The following ZFP2 variants were observed in gnomAD, a reference collection of about 807,000 sequenced individuals.
ZFP2 encodes the protein ZFP2 zinc finger protein.
In ZFP2, 33 loss-of-function variants were observed where a neutral mutation model predicts 36.1. That is an observed-to-expected ratio of 0.92 (90% CI 0.69 to 1.22). The LOEUF (loss-of-function observed/expected upper bound fraction) is 1.22, where lower values mean the gene tolerates loss of function less well. ZFP2 is among the 50% of genes most tolerant of loss of function. ZFP2 has a pLI of 0.00. For missense variants in ZFP2, 522 were observed against 551.4 expected (o/e 0.95, Z 0.53); for synonymous variants, 170 against 178.0 (o/e 0.96, Z 0.36).
intron 4 of ZFP2, among the ~76,000 whole-genome samples, chr5:178,930,783 T>A (rs1340814089): frequency 6.6e-6 from 1 of 152,198 alleles, no homozygotes; most frequent in Non-Finnish European, 1.5e-5. Flanking sequence ...TTTAGGAAGA[T>A]TAATTTGGTG....
At chr5:178,900,360 C>T (rs1281562692) in intron 1 of ZFP2, among the ~76,000 whole-genome samples, 2 of 139,742 alleles carry the variant, frequency 1.4e-5, no homozygotes, top group South Asian at 2.6e-4. Context: ...ACAGTGTCCT[C>T]GTGCTACTTC....
At chr5:178,925,124 TATACACAC>T (rs1353385274) in intron 4 of ZFP2, among the ~76,000 whole-genome samples, 3 of 69,550 alleles carry the variant, frequency 4.3e-5, no homozygotes, top group African/African-American at 7.7e-5. Context: ...TATATATATA[TATACACAC>T]ACACACACAC....
rs1758546742 is a variant in ZFP2 at position 178,920,838 on chromosome 5, T to C, written c.-78+4128T>C. Among the ~76,000 whole-genome samples the C allele has an allele frequency of 2.0e-5, 3 of 152,234 alleles. No homozygotes were observed. In the South Asian group the frequency reaches 6.2e-4, roughly 32 times the overall value. Reference sequence around the variant, plus strand: ...CACTTGATGTCTGTTGGTTATCTTTTCCCATGTAAGTTGAAATGTTCCTGG... The same window carrying C: ...CACTTGATGTCTGTTGGTTATCTTTCCCCATGTAAGTTGAAATGTTCCTGG... On this transcript the variant is annotated intron_variant, in intron 4 of 4. Coordinates refer to ENST00000361362, the MANE Select transcript of ZFP2 (RefSeq NM_030613.4).
In ZFP2 at chr5:178,909,511, TCTTGA is replaced by T. The variant is rs1211613521; in HGVS notation, c.-449-3069_-449-3065del. On this transcript the variant is annotated intron_variant, in intron 1 of 4. Coordinates refer to ENST00000361362, the MANE Select transcript of ZFP2 (RefSeq NM_030613.4). ...ATTGGCCCCCTGGTCCCACTTTCAC[TCTTGA>T]CTTCTCTTTGCTCATTCCTTTGACT... 2.0e-5 allele frequency among the ~76,000 whole-genome samples: 3 copies of T among 152,198 alleles called. No homozygotes were observed. In the East Asian group the frequency reaches 5.8e-4, roughly 29 times the overall value.
In ZFP2 at chr5:178,929,946, G is replaced by GC. The variant is rs1469559379; in HGVS notation, c.-77-1291_-77-1290insC. On this transcript the variant is annotated intron_variant, in intron 4 of 4. Transcript: ENST00000361362. ...GTGCCAGCATCTGCTTGACGGTGGGGGGGGGGGCTCAGGAGGCTTACAGTC... is the reference window on the plus strand; with the variant it reads ...GTGCCAGCATCTGCTTGACGGTGGGGCGGGGGGGCTCAGGAGGCTTACAGTC... Among the ~76,000 whole-genome samples the GC allele has an allele frequency of 2.0e-5, 3 of 147,498 alleles. 1 individual carries two copies. The highest frequency in any genetic ancestry group is 4.6e-5 in the Non-Finnish European group (3 of 65,556).
Position 178,931,851 on chromosome 5 carries a change from C to T in ZFP2, c.538C>T (p.His180Tyr). The change falls in exon 5 of 5, where the codon CAC (histidine) becomes TAC (tyrosine). Residue 180 changes from histidine (H) to tyrosine (Y), a missense_variant. Coordinates refer to ENST00000361362, the MANE Select transcript of ZFP2 (RefSeq NM_030613.4). ...GAATCTTACTGTCCATCAACGAACTCACACCGGAGAGAAACCCTATCAGTG... is the reference window on the plus strand; with the variant it reads ...GAATCTTACTGTCCATCAACGAACTTACACCGGAGAGAAACCCTATCAGTG... ...SMNLTVHQRTHTGEKPYQCKE... is the reference protein window; with the variant it reads ...SMNLTVHQRTYTGEKPYQCKE... 1 of 1,612,638 alleles carries T rather than the reference C, an allele frequency of 6.2e-7. No individual in the cohort carries two copies. The highest frequency in any genetic ancestry group is 1.3e-5 in the African/African-American group (1 of 75,014).
rs1203548435 is a variant in ZFP2 at position 178,931,744 on chromosome 5, C to G, written c.431C>G (p.Ser144Cys). Reference sequence around the variant, plus strand: ...GGGAAACACTTCATTGAACGATCCTCCCTTACTGTACATCAAAGAATTCAT... The same window carrying G: ...GGGAAACACTTCATTGAACGATCCTGCCTTACTGTACATCAAAGAATTCAT... The part of the protein sequence containing the change: ...VCGKHFIERS[S>C]LTVHQRIHTG... The change falls in exon 5 of 5, where the codon TCC (serine) becomes TGC (cysteine). Residue 144 changes from serine (S) to cysteine (C), a missense_variant. Coordinates refer to ENST00000361362, the MANE Select transcript of ZFP2 (RefSeq NM_030613.4). The G allele has an allele frequency of 1.2e-6, 2 of 1,613,974 alleles. No homozygotes were observed. Among genetic ancestry groups the G allele is most frequent in the South Asian group, 1.1e-5 (1 of 91,080 alleles).
intron 3 of ZFP2, among the ~76,000 whole-genome samples, chr5:178,913,431 T>C (rs1308215006): frequency 6.6e-6 from 1 of 152,230 alleles, no homozygotes; most frequent in African/African-American, 2.4e-5. Flanking sequence ...CATGAGTGTT[T>C]CCTCTCAACC....
chr5:178,922,433 A>G (rs1758576282), intron 4 of ZFP2: 2 of 1,366,128 alleles, frequency 1.5e-6, no homozygotes, highest in East Asian at 2.3e-5. Context: ...TACTTTTACT[A>G]TTGTGCCTTA....
chr5:178,918,372 C>CTGT (rs1758483203), intron 4 of ZFP2, among the ~76,000 whole-genome samples: 1 of 152,202 alleles, frequency 6.6e-6, no homozygotes, highest in African/African-American at 2.4e-5. Flanking sequence ...GAGTAGCTAA[C>CTGT]TGTTACCCAG....
intron 1 of ZFP2, among the ~76,000 whole-genome samples, chr5:178,897,625 A>G (rs964469363): frequency 2.6e-5 from 4 of 152,182 alleles, no homozygotes; most frequent in Non-Finnish European, 5.9e-5. Flanking sequence ...AATGTCACTT[A>G]TTTCATATCT....
chr5:178,926,161 A>G (rs1420329561), intron 4 of ZFP2, among the ~76,000 whole-genome samples: 1 of 127,724 alleles, frequency 7.8e-6, no homozygotes, highest in East Asian at 1.9e-4. Context: ...ATCTTTTTTT[A>G]TGATGTCTTT....
At chr5:178,915,036 GTTC>G (rs1359155339) in intron 3 of ZFP2, among the ~76,000 whole-genome samples, 2 of 152,116 alleles carry the variant, frequency 1.3e-5, no homozygotes, top group Admixed American at 6.6e-5. Context: ...TTGTCTGAAT[GTTC>G]TTCTTAAATA....
At chr5:178,924,617 A>G (rs919532495) in intron 4 of ZFP2, among the ~76,000 whole-genome samples, 2 of 148,622 alleles carry the variant, frequency 1.3e-5, no homozygotes, top group Admixed American at 6.8e-5. Context: ...AGGTGGGTGG[A>G]TCACCTGAGG....
At position 178,931,796 on chromosome 5, in the gene ZFP2, T is replaced by C; in HGVS notation, c.483T>C (p.Asn161=). 1 of 1,614,010 alleles carries C rather than the reference T, an allele frequency of 6.2e-7. No individual in the cohort carries two copies. Among genetic ancestry groups the C allele is most frequent in the Non-Finnish European group, 8.5e-7 (1 of 1,179,978 alleles). Reference sequence around the variant, plus strand: ...CTGGAGAGAAACCCTATAAATGTAATGAATGTGGGAAAGCCTTTAGTCAGA... The same window carrying C: ...CTGGAGAGAAACCCTATAAATGTAACGAATGTGGGAAAGCCTTTAGTCAGA... ...IHTGEKPYKC[N]ECGKAFSQSM... The change falls in exon 5 of 5, where the codon AAT becomes AAC. Residue 161 remains asparagine (N), a synonymous_variant. Coordinates refer to ENST00000361362, the MANE Select transcript of ZFP2 (RefSeq NM_030613.4).
At chr5:178,921,470 C>T (rs1758560798) in intron 4 of ZFP2, among the ~76,000 whole-genome samples, 1 of 139,462 alleles carries the variant, frequency 7.2e-6, no homozygotes, top group Admixed American at 7.1e-5. Context: ...AAGAAGGACC[C>T]TCTCCTCATG....
In ZFP2 at chr5:178,916,560, T is replaced by C. The variant is rs1004890418; in HGVS notation, c.-223-5T>C. The C allele has an allele frequency of 6.1e-6, 6 of 985,336 alleles. No homozygotes were observed. The African/African-American group carries it at 8.7e-5, about 14-fold the overall frequency. The allele number at this position is 985,336 out of a possible 1,614,324, so 61.0% of individuals were successfully genotyped here. On this transcript the variant is annotated splice_polypyrimidine_tract_variant and splice_region_variant and intron_variant, in intron 3 of 4. Transcript: ENST00000361362. ...TTTGCAAACTCCAGATCTTGTTCTT[T>C]CCAGATTTTCTTGGATATTGCTGTC... is the stretch of plus-strand genomic sequence containing the variant.
rs1166077100 is a variant in ZFP2, at chr5:178,932,351, A to G, written c.1038A>G (p.Arg346=). 17 of 1,614,100 alleles carry G rather than the reference A, an allele frequency of 1.1e-5. No homozygotes were observed. Among genetic ancestry groups the G allele is most frequent in the Non-Finnish European group, 1.4e-5 (16 of 1,180,012 alleles). The part of the protein sequence containing the change: ...SKNSSLTQHR[R]IHTGEKPYEC... ...ATTCATCTCTAACTCAACATCGGAG[A>G]ATTCACACTGGAGAGAAACCTTATG... is the stretch of plus-strand genomic sequence containing the variant. The change falls in exon 5 of 5, where the codon AGA becomes AGG. Residue 346 remains arginine (R), a synonymous_variant. Coordinates refer to ENST00000361362, the MANE Select transcript of ZFP2 (RefSeq NM_030613.4).
At position 178,923,961 on chromosome 5, in the gene ZFP2, G is replaced by C. The variant is rs892809834; in HGVS notation, c.-78+7251G>C. Among the ~76,000 whole-genome samples, 4 of 149,114 alleles carry C rather than the reference G, an allele frequency of 2.7e-5. 1 individual carries two copies. The highest frequency in any genetic ancestry group is 6.7e-5 in the Admixed American group (1 of 14,878). ...ATACACAGAAGAATGTGTAAAATCT[G>C]ACTGTTCAACAAAAACCTACATACT... On this transcript the variant is annotated intron_variant, in intron 4 of 4. Transcript: ENST00000361362.
Sources: allele counts gnomAD v4.1 joint callset (sites outside exome capture counted in the v4.1 genomes callset), GRCh38; gene constraint gnomAD v4.1.1; transcripts MANE v1.5; gene names NCBI Gene and HGNC (gene_info 2026-07-23, HGNC 2026-07-21).